ERBB4: variants seen among roughly 807,000 people sequenced by gnomAD.
ERBB4 encodes the protein erb-b2 receptor tyrosine kinase 4.
ERBB4 carries 42 observed loss-of-function variants against 158.0 expected under a neutral mutation model. That is an observed-to-expected ratio of 0.27 (90% CI 0.21 to 0.34). ERBB4 has a LOEUF of 0.34. Among genes scored for constraint, ERBB4 ranks in the 10% least tolerant of loss-of-function variants. The pLI, the probability that ERBB4 is intolerant of heterozygous loss-of-function variation, is 1.00. For synonymous variants in ERBB4, 583 were observed against 558.7 expected, an observed-to-expected ratio of 1.04 and a Z score of -0.61; for missense variants, 1,333 against 1,624.1, an observed-to-expected ratio of 0.82 and a Z score of 3.08.
intron 1 of ERBB4, among the ~76,000 whole-genome samples, chr2:212,288,416 C>G (rs1366426356): frequency 1.3e-5 from 2 of 152,082 alleles, no homozygotes; most frequent in Non-Finnish European, 2.9e-5. Context: ...GTCACTACTA[C>G]TGAGACAGCC....
chr2:212,127,464 T>A (rs185028673), intron 1 of ERBB4, among the ~76,000 whole-genome samples: 29 of 151,888 alleles, frequency 1.9e-4, no homozygotes, highest in Non-Finnish European at 4.1e-4. Flanking sequence ...TGGTGGCGGG[T>A]GCCTGTAGTC....
chr2:211,984,790 T>G (rs531930158), intron 2 of ERBB4, among the ~76,000 whole-genome samples: 5 of 152,290 alleles, frequency 3.3e-5, no homozygotes, highest in Admixed American at 1.3e-4. Flanking sequence ...TGGCACGACC[T>G]TGGCTCACTG....
chr2:211,475,467 T>C (rs962361114), intron 20 of ERBB4, among the ~76,000 whole-genome samples: 7 of 152,076 alleles, frequency 4.6e-5, no homozygotes, highest in Admixed American at 1.3e-4. Flanking sequence ...GATCAATGTA[T>C]TTCCTAGTAC....
rs537090812 is a variant in ERBB4, at chr2:211,619,309, T to A, written c.2203-34A>T. 78 of 1,153,386 alleles carry A rather than the reference T, an allele frequency of 6.8e-5. No homozygotes were observed. The East Asian group carries it at 1.8e-3, about 27-fold the overall frequency. 71.4% of individuals were successfully genotyped at this position (1,153,386 alleles called of 1,614,324 possible). A position where few individuals can be genotyped will look rare whatever the true frequency, so the allele number is the denominator to read the frequency against. ...AAAAAAATTTACATTAAATATGACATCTCAACCTATTAAGTTCTTACAAAG... is the reference window on the plus strand; with the variant it reads ...AAAAAAATTTACATTAAATATGACAACTCAACCTATTAAGTTCTTACAAAG... On this transcript the variant is annotated intron_variant, in intron 18 of 27. Transcript: ENST00000342788.
intron 2 of ERBB4, among the ~76,000 whole-genome samples, chr2:212,040,404 G>A (rs1238889129): frequency 6.6e-6 from 1 of 151,682 alleles, no homozygotes; most frequent in Non-Finnish European, 1.5e-5. Context: ...TATAACACAA[G>A]CTGATATGAA....
chr2:211,709,223 A>ATG (rs1559442780), intron 9 of ERBB4, among the ~76,000 whole-genome samples: 1 of 132,254 alleles, frequency 7.6e-6, no homozygotes, highest in Non-Finnish European at 1.6e-5. Flanking sequence ...GACTATATAT[A>ATG]TGCGTGTGTG....
chr2:212,336,159 C>G (rs1445038009), intron 1 of ERBB4, among the ~76,000 whole-genome samples: 2 of 151,966 alleles, frequency 1.3e-5, no homozygotes, highest in Non-Finnish European at 2.9e-5. Context: ...TTTTACCATA[C>G]TTCAATTTGT....
At chr2:211,407,245 A>G (rs1437087941) in intron 25 of ERBB4, among the ~76,000 whole-genome samples, 3 of 152,306 alleles carry the variant, frequency 2.0e-5, no homozygotes, top group East Asian at 3.9e-4. Context: ...ATATGTAATT[A>G]CTAGACACAA....
chr2:211,857,166 T>C (rs1169933671), intron 3 of ERBB4, among the ~76,000 whole-genome samples: 1 of 151,408 alleles, frequency 6.6e-6, no homozygotes, highest in Admixed American at 6.6e-5. Flanking sequence ...TGTTTGTGTG[T>C]GTGTGTGTGT....
At position 211,892,588 on chromosome 2, in the gene ERBB4, T is replaced by C. The variant is rs1032165955; in HGVS notation, c.421+54842A>G. Among the ~76,000 whole-genome samples the C allele has an allele frequency of 2.1e-5, 3 of 144,352 alleles. 1 individual carries two copies. Among genetic ancestry groups the C allele is most frequent in the Admixed American group, 2.0e-4 (3 of 14,704 alleles). The allele number at this position is 144,352 out of a possible 152,430, so 94.7% of individuals were successfully genotyped here. ...TTAGGCAGGAGAAGGAAATAAAGGG[T>C]ATTCAAAATTAGGAAAAGAGGAAGT... is the stretch of plus-strand genomic sequence containing the variant. On this transcript the variant is annotated intron_variant, in intron 3 of 27. Transcript: ENST00000342788.
chr2:211,482,829 T>A (rs1288568435), intron 20 of ERBB4, among the ~76,000 whole-genome samples: 6 of 152,054 alleles, frequency 3.9e-5, no homozygotes, highest in Non-Finnish European at 7.4e-5. Flanking sequence ...CGCTTGAACC[T>A]GGTAGGCAGA....
At chr2:211,503,565 A>G (rs2125595965) in intron 20 of ERBB4, among the ~76,000 whole-genome samples, 1 of 152,200 alleles carries the variant, frequency 6.6e-6, no homozygotes, top group South Asian at 2.1e-4. Flanking sequence ...AGATAGTTGC[A>G]ATTTCTGCTT....
At chr2:212,531,705 T>C (rs1692766385) in intron 1 of ERBB4, among the ~76,000 whole-genome samples, 1 of 152,092 alleles carries the variant, frequency 6.6e-6, no homozygotes, top group African/African-American at 2.4e-5. Flanking sequence ...TGACTGGACA[T>C]CTTCATAAAG....
At chr2:212,184,512 A>C (rs1035191748) in intron 1 of ERBB4, among the ~76,000 whole-genome samples, 5 of 152,068 alleles carry the variant, frequency 3.3e-5, no homozygotes, top group South Asian at 2.1e-4. Context: ...AATAGTCCTA[A>C]TCACCTACCT....
chr2:212,165,616 T>C (rs891681518), intron 1 of ERBB4, among the ~76,000 whole-genome samples: 1 of 152,002 alleles, frequency 6.6e-6, no homozygotes, highest in Non-Finnish European at 1.5e-5. Flanking sequence ...GGCTGACACA[T>C]CCTTAAAATT....
intron 2 of ERBB4, among the ~76,000 whole-genome samples, chr2:212,040,037 A>AT (rs1360891941): frequency 6.6e-6 from 1 of 151,322 alleles, no homozygotes; most frequent in Non-Finnish European, 1.5e-5. Context: ...TAGTTCAGGT[A>AT]TTTTTTTCTT....
intron 19 of ERBB4, among the ~76,000 whole-genome samples, chr2:211,575,121 T>G (rs949074651): frequency 5.9e-5 from 9 of 152,212 alleles, no homozygotes; most frequent in African/African-American, 2.2e-4. Context: ...ATTGCATCCA[T>G]AGCCTAGTCT....
rs1365098587 is a variant in ERBB4 at position 211,750,626 on chromosome 2, G to A, written c.622+13C>T. 1 of 1,611,436 alleles carries A rather than the reference G, an allele frequency of 6.2e-7. No homozygotes were observed. Among genetic ancestry groups the A allele is most frequent in the Non-Finnish European group, 8.5e-7 (1 of 1,177,604 alleles). ...CACATCAAACCTGTGTGCTCTCACT[G>A]ATGAACACTTACAAGTCTGGCAATG... On this transcript the variant is annotated intron_variant, in intron 5 of 27. Coordinates refer to ENST00000342788, the MANE Select transcript of ERBB4 (RefSeq NM_005235.3).
At chr2:211,936,771 A>AT (rs2080335673) in intron 3 of ERBB4, among the ~76,000 whole-genome samples, 1 of 152,130 alleles carries the variant, frequency 6.6e-6, no homozygotes, top group South Asian at 2.1e-4. Context: ...CGTAGAAGTG[A>AT]TAAATCAACT....
Sources: allele counts gnomAD v4.1 joint callset (sites outside exome capture counted in the v4.1 genomes callset), GRCh38; gene constraint gnomAD v4.1.1; transcripts MANE v1.5; gene names NCBI Gene and HGNC (gene_info 2026-07-23, HGNC 2026-07-21).